YBX1: variants seen among roughly 807,000 people sequenced by gnomAD.
YBX1 encodes Y-box binding protein 1.
A neutral mutation model predicts 41.4 loss-of-function variants in YBX1; 3 were observed. The observed-to-expected ratio is 0.07, with a 90% CI of 0.03 to 0.19. The LOEUF (loss-of-function observed/expected upper bound fraction) is 0.19, where lower values mean the gene tolerates loss of function less well. Ranked by LOEUF, YBX1 falls within the 10% of genes least tolerant of loss-of-function variation. YBX1 has a pLI of 1.00. For synonymous variants in YBX1, 133 were observed against 165.8 expected (o/e 0.80, Z 1.52); for missense variants, 274 against 462.8 (o/e 0.59, Z 3.74).
rs895163110 is a variant in YBX1, at chr1:42,696,797, G to A, written c.510G>A (p.Lys170=). 3.7e-6 allele frequency: 6 copies of A among 1,613,602 alleles called. No individual in the cohort carries two copies. The Admixed American group carries it at 5.0e-5, about 13-fold the overall frequency. The change falls in exon 5 of 8, where the codon AAG becomes AAA. Residue 170 remains lysine (K), a synonymous_variant. Transcript: ENST00000321358. The surrounding 1 kb of genome is among the most constrained non-coding windows in gnomAD (Gnocchi z 5.7). ...QNYQNSESGE[K]NEGSESAPEG... ...ACCAGAATAGTGAGAGTGGGGAAAA[G>A]AACGAGGGATCGGAGAGTGCTCCCG...
rs944543999 is a variant in YBX1, at chr1:42,701,101, C to G, written c.*31+55C>G. ...TGGCAGTCGTGAGTGGTGACCATTT[C>G]GTTTTATTAATGCAAGAGTAGAAAA... is the stretch of plus-strand genomic sequence containing the variant. On this transcript the variant is annotated intron_variant, in intron 7 of 7. Coordinates refer to ENST00000321358, the MANE Select transcript of YBX1 (RefSeq NM_004559.5). 38 of 1,344,166 alleles carry G rather than the reference C, an allele frequency of 2.8e-5. 1 individual carries two copies. The South Asian group carries it at 5.0e-4, about 18-fold the overall frequency. The allele number at this position is 1,344,166 out of a possible 1,614,324, so 83.3% of individuals were successfully genotyped here.
intron 3 of YBX1, 85 bp downstream of exon 3, chr1:42,693,608 A>G (rs1191492981): frequency 1.6e-5 from 23 of 1,472,088 alleles, no homozygotes; most frequent in Non-Finnish European, 2.1e-5. Flanking sequence ...TTTGTTCCTT[A>G]TAAAAGGTTA....
In YBX1 at chr1:42,702,678, C is replaced by T. The variant is rs563518653; in HGVS notation, c.*729C>T. ...CTCTAGCCTAGACCGACCAGACTCTCATCCTGCTCCACTTAGTTTTGTCAC... is the reference window on the plus strand; with the variant it reads ...CTCTAGCCTAGACCGACCAGACTCTTATCCTGCTCCACTTAGTTTTGTCAC... On this transcript the variant is annotated 3_prime_UTR_variant, in exon 8 of 8. Transcript: ENST00000321358. Among the ~76,000 whole-genome samples the T allele has an allele frequency of 1.3e-5, 2 of 152,296 alleles. No homozygotes were observed. Among genetic ancestry groups the T allele is most frequent in the African/African-American group, 4.8e-5 (2 of 41,570 alleles).
intron 1 of YBX1, 182 bp from the exon 2 acceptor site, chr1:42,683,221 C>T: frequency 1.3e-6 from 1 of 744,790 alleles, no homozygotes; most frequent in Non-Finnish European, 2.4e-6. Flanking sequence ...CCCCGCGCTT[C>T]AGACTCACCC....
intron 6 of YBX1, among the ~76,000 whole-genome samples, chr1:42,698,860 C>T (rs562068964): frequency 6.6e-6 from 1 of 152,160 alleles, no homozygotes; most frequent in African/African-American, 2.4e-5. Flanking sequence ...GCTAGACTTT[C>T]CAAACTGTGC....
chr1:42,682,611 G>C lies in YBX1; in HGVS notation c.46G>C (p.Ala16Pro), dbSNP rs1205028948. ...ETQQPPAAPP[A>P]APALSAADTK... ...CCAGCAGCCGCCCGCCGCCCCCCCC[G>C]CCGCCCCCGCCCTCAGCGCCGCCGA... Residue 16 changes from alanine (A) to proline (P), a missense_variant, in exon 1 of 8, where the codon GCC becomes CCC. Physicochemically the swap from Ala to Pro is conservative, Grantham distance 27. Transcript: ENST00000321358. 5 of 1,428,996 alleles carry C rather than the reference G, an allele frequency of 3.5e-6. No homozygotes were observed. Among genetic ancestry groups the C allele is most frequent in the East Asian group, 3.1e-5 (1 of 32,730 alleles). The allele number at this position is 1,428,996 out of a possible 1,614,324, so 88.5% of individuals were successfully genotyped here.
At chr1:42,684,427 C>T (rs74070004) in intron 2 of YBX1, among the ~76,000 whole-genome samples, 7,771 of 152,280 alleles carry the variant, frequency 0.051, 297 homozygotes, top group African/African-American at 0.098. Context: ...GCCATCTCAG[C>T]ATTGTCTTGC....
chr1:42,686,471 A>G (rs922880566), intron 2 of YBX1, among the ~76,000 whole-genome samples: 1 of 152,178 alleles, frequency 6.6e-6, no homozygotes, highest in Non-Finnish European at 1.5e-5. Flanking sequence ...TTGTCACCAC[A>G]TTTAGGTGGG....
chr1:42,700,469 C>T (rs1650567141), intron 6 of YBX1, among the ~76,000 whole-genome samples: 1 of 151,916 alleles, frequency 6.6e-6, no homozygotes, highest in South Asian at 2.1e-4. Context: ...ACGTGGGGGG[C>T]TTGCCTATAG....
chr1:42,683,048 T>G, intron 1 of YBX1: 3 of 421,714 alleles, frequency 7.1e-6, no homozygotes, highest in Non-Finnish European at 9.2e-6. Context: ...CCGCACGCCG[T>G]TGTTCGCGTC....
In YBX1 at chr1:42,696,096, A is replaced by C; in HGVS notation, c.265-103A>C. The stretch of plus-strand genomic sequence containing the variant: ...TTTGGTCTTATTTAAAGCAAATCTT[A>C]AGTGTATATCCAAGCTAAAATAATA... On this transcript the variant is annotated intron_variant, in intron 3 of 7. Transcript: ENST00000321358. The surrounding 1 kb of genome is among the most constrained non-coding windows in gnomAD (Gnocchi z 5.7). The C allele has an allele frequency of 1.0e-6, 1 of 983,272 alleles. No individual in the cohort carries two copies. The highest frequency in any genetic ancestry group is 1.5e-6 in the Non-Finnish European group (1 of 687,080). The allele number at this position is 983,272 out of a possible 1,614,324, so 60.9% of individuals were successfully genotyped here. A position where few individuals can be genotyped will look rare whatever the true frequency, so the allele number is the denominator to read the frequency against.
Position 42,702,747 on chromosome 1 carries a change from G to A in YBX1, c.*798G>A, listed in dbSNP as rs1322426616. 6.6e-6 allele frequency among the ~76,000 whole-genome samples: 1 copy of A among 152,164 alleles called. No individual in the cohort carries two copies. The highest frequency in any genetic ancestry group is 1.5e-5 in the Non-Finnish European group (1 of 68,032). On this transcript the variant is annotated 3_prime_UTR_variant, in exon 8 of 8. Coordinates refer to ENST00000321358, the MANE Select transcript of YBX1 (RefSeq NM_004559.5). ...AGTGTGTCAATTGAAGATGCCAATT[G>A]AAGTGTTAGGACAACCTGTCACACT...
chr1:42,698,574 T>A (rs955346177), intron 6 of YBX1, among the ~76,000 whole-genome samples: 32 of 152,236 alleles, frequency 2.1e-4, no homozygotes, highest in African/African-American at 7.5e-4. Flanking sequence ...TTGCCTAGTT[T>A]CATTGATGTC....
In YBX1 at chr1:42,696,957, A is replaced by G. The variant is rs374636736; in HGVS notation, c.657+13A>G. The G allele has an allele frequency of 3.2e-6, 5 of 1,545,628 alleles. No individual in the cohort carries two copies. Among genetic ancestry groups the G allele is most frequent in the Non-Finnish European group, 4.4e-6 (5 of 1,145,834 alleles). ...AGAAGTGATGGAGGTAAGTTTCACC[A>G]TCAACAACAGCAATGTGATAAGTTC... On this transcript the variant is annotated intron_variant, in intron 5 of 7. Transcript: ENST00000321358. The surrounding 1 kb of genome is among the most constrained non-coding windows in gnomAD (Gnocchi z 5.7).
intron 6 of YBX1, among the ~76,000 whole-genome samples, chr1:42,700,283 T>C (rs1650561490): frequency 6.6e-6 from 1 of 152,022 alleles, no homozygotes; most frequent in Non-Finnish European, 1.5e-5. Flanking sequence ...TTCTGAGCAC[T>C]GGGGGAAAGA....
intron 2 of YBX1, among the ~76,000 whole-genome samples, chr1:42,688,035 A>C (rs1650240763): frequency 6.6e-6 from 1 of 152,102 alleles, no homozygotes; most frequent in African/African-American, 2.4e-5. Flanking sequence ...GGTTATATTA[A>C]CCATTGATCT....
intron 1 of YBX1, chr1:42,682,975 C>G (rs972843689): frequency 1.2e-5 from 2 of 160,960 alleles, no homozygotes; most frequent in East Asian, 1.9e-4. Flanking sequence ...CCTGCGGCCG[C>G]GCGCCGCCGA....
chr1:42,690,414 A>G (rs966801991), intron 2 of YBX1, among the ~76,000 whole-genome samples: 3 of 152,184 alleles, frequency 2.0e-5, no homozygotes, highest in Non-Finnish European at 4.4e-5. Context: ...ACAGTCATAC[A>G]CTAACCCAAT....
intron 6 of YBX1, 125 bp downstream of exon 6, chr1:42,697,387 C>T (rs989054269): frequency 1.1e-6 from 1 of 884,486 alleles, no homozygotes; most frequent in East Asian, 2.7e-5. Flanking sequence ...TCATCAGATG[C>T]CTAAGAGGTG....
Sources: gnomAD v4.1 joint callset for allele counts (sites outside exome capture counted in the v4.1 genomes callset) on GRCh38, gnomAD v4.1.1 for gene constraint, Gnocchi (gnomAD v3.1) non-coding constraint, MANE v1.5 for transcripts, NCBI Gene and HGNC (gene_info 2026-07-23, HGNC 2026-07-21) for gene names.